PPHLN1: variants seen among roughly 807,000 people sequenced by gnomAD.
PPHLN1 encodes periphilin-1.
In PPHLN1, 29 loss-of-function variants were observed where a neutral mutation model predicts 51.3. The observed-to-expected ratio is 0.57, with a 90% confidence interval of 0.42 to 0.77. The LOEUF (loss-of-function observed/expected upper bound fraction) is 0.77. PPHLN1 is among the 30% of genes least tolerant of loss of function. The probability of loss-of-function intolerance (pLI) is 0.00; values close to 1 mark genes in which losing one functional copy is unlikely to be tolerated. For synonymous variants in PPHLN1, 147 were observed against 147.8 expected (o/e 0.99, Z 0.04); for missense variants, 436 against 438.4 (o/e 0.99, Z 0.05).
intron 4 of PPHLN1, among the ~76,000 whole-genome samples, chr12:42,369,493 A>G (rs182493167): frequency 4.7e-4 from 72 of 152,326 alleles, no homozygotes; most frequent in Non-Finnish European, 4.4e-5. Flanking sequence ...ATACCAGGGT[A>G]TAGGGTAAAT....
chr12:42,359,509 A>G (rs1419126749), intron 4 of PPHLN1: 4 of 152,222 alleles, frequency 2.6e-5, no homozygotes, highest in East Asian at 1.9e-4. Context: ...GTTATCTTCA[A>G]TAATGTCTCA....
At chr12:42,369,934 T>G (rs1345061499) in intron 4 of PPHLN1, among the ~76,000 whole-genome samples, 1 of 152,228 alleles carries the variant, frequency 6.6e-6, no homozygotes, top group Non-Finnish European at 1.5e-5. Context: ...CTATCCAATC[T>G]GCCTCTGTAT....
chr12:42,380,576 A>G (rs777593680), intron 5 of PPHLN1, among the ~76,000 whole-genome samples: 33 of 152,268 alleles, frequency 2.2e-4, no homozygotes, highest in Middle Eastern at 3.4e-3. Flanking sequence ...GCAGTTGGCT[A>G]TGAATAAAAT....
chr12:42,376,511 G>A (rs2076276615), intron 5 of PPHLN1, among the ~76,000 whole-genome samples: 1 of 152,186 alleles, frequency 6.6e-6, no homozygotes, highest in Non-Finnish European at 1.5e-5. Context: ...CACAGGCTGG[G>A]CACAGCAGCT....
chr12:42,376,912 G>A (rs1454613960), intron 5 of PPHLN1, among the ~76,000 whole-genome samples: 1 of 152,080 alleles, frequency 6.6e-6, no homozygotes, highest in East Asian at 1.9e-4. Flanking sequence ...ATGTTAACAA[G>A]TATACAAGTA....
intron 9 of PPHLN1, among the ~76,000 whole-genome samples, chr12:42,426,574 G>A (rs1182653158): frequency 6.6e-6 from 1 of 152,114 alleles, no homozygotes; most frequent in Non-Finnish European, 1.5e-5. Context: ...TAATACAAAG[G>A]TCTATATGAA....
intron 2 of PPHLN1, among the ~76,000 whole-genome samples, chr12:42,344,803 G>T (rs1201656251): frequency 1.3e-5 from 2 of 149,532 alleles, no homozygotes; most frequent in African/African-American, 4.9e-5. Context: ...CTGCCTCCCA[G>T]GCTCAAGCAG....
chr12:42,364,148 T>C (rs1409019601), intron 4 of PPHLN1, among the ~76,000 whole-genome samples: 2 of 152,166 alleles, frequency 1.3e-5, no homozygotes, highest in East Asian at 1.9e-4. Context: ...TGCTTGAACC[T>C]GGGAAGCGGA....
intron 7 of PPHLN1, among the ~76,000 whole-genome samples, chr12:42,391,906 A>G (rs2077750866): frequency 6.6e-6 from 1 of 152,098 alleles, no homozygotes; most frequent in African/African-American, 2.4e-5. Context: ...AAAAACATCA[A>G]ATGACCTTTT....
chr12:42,429,740 A>G (rs2081863411), intron 9 of PPHLN1, among the ~76,000 whole-genome samples: 1 of 152,224 alleles, frequency 6.6e-6, no homozygotes, highest in Non-Finnish European at 1.5e-5. Flanking sequence ...TTTATCTGTC[A>G]TTCACACTCA....
intron 4 of PPHLN1, among the ~76,000 whole-genome samples, chr12:42,372,462 G>A (rs2138712839): frequency 6.6e-6 from 1 of 152,252 alleles, no homozygotes; most frequent in South Asian, 2.1e-4. Context: ...TATCCTGTAA[G>A]CAAGTTACCA....
At chr12:42,361,197 G>A (rs61926572) in intron 4 of PPHLN1, 24,758 of 152,432 alleles carry the variant, frequency 0.16, 2,064 homozygotes, top group Admixed American at 0.2. Flanking sequence ...ATAAGAGCTT[G>A]CTCTCCACCA....
downstream of PPHLN1, chr12:42,444,158 G>T (rs2083163878): frequency 6.6e-6 from 1 of 152,038 alleles, no homozygotes; most frequent in Non-Finnish European, 1.5e-5. Context: ...AAGTACAGAT[G>T]TCCTCACCTT....
In PPHLN1 at chr12:42,417,943, G is replaced by GTT. The variant is rs371302578; in HGVS notation, c.909+18962_909+18963dup. 4.1e-3 allele frequency among the ~76,000 whole-genome samples: 360 copies of GTT among 88,378 alleles called. 10 individuals carry two copies. The highest frequency in any genetic ancestry group is 9.4e-3 in the Middle Eastern group (1 of 106). The allele number at this position is 88,378 out of a possible 152,430, so 58.0% of individuals were successfully genotyped here. Reference sequence around the variant, plus strand: ...TAGTTTTTTTTTTTGTTTTTTTTTTGTTTTTTTTTTTTTTGAGACAGAGTC... The same window carrying GTT: ...TAGTTTTTTTTTTTGTTTTTTTTTTGTTTTTTTTTTTTTTTTGAGACAGAGTC... On this transcript the variant is annotated intron_variant, in intron 9 of 9. Transcript: ENST00000358314.
intron 9 of PPHLN1, among the ~76,000 whole-genome samples, chr12:42,412,025 T>C (rs1242114023): frequency 1.9e-4 from 29 of 150,404 alleles, no homozygotes; most frequent in Admixed American, 1.9e-3. Context: ...GCCAATATGG[T>C]GAAACCCCGT....
chr12:42,446,370 C>A, downstream of PPHLN1: 1 of 1,494,946 alleles, frequency 6.7e-7, no homozygotes, highest in Non-Finnish European at 8.9e-7. Flanking sequence ...CTAAATCTGC[C>A]TTTTTTCAGC....
intron 9 of PPHLN1, among the ~76,000 whole-genome samples, chr12:42,437,650 T>C (rs1274730609): frequency 1.3e-5 from 2 of 152,212 alleles, no homozygotes; most frequent in African/African-American, 4.8e-5. Context: ...GATACACTTG[T>C]TATGATTGAT....
intron 9 of PPHLN1, among the ~76,000 whole-genome samples, chr12:42,409,330 T>G (rs1592802908): frequency 1.3e-5 from 2 of 152,156 alleles, no homozygotes; most frequent in Non-Finnish European, 2.9e-5. Flanking sequence ...GTGCAGATAC[T>G]GGAGAACTGA....
Position 42,345,000 on chromosome 12 carries a change from C to T in PPHLN1, c.73-6885C>T, listed in dbSNP as rs906263079. Among the ~76,000 whole-genome samples, 11 of 152,178 alleles carry T rather than the reference C, an allele frequency of 7.2e-5. No homozygotes were observed. The South Asian group carries it at 1.0e-3, about 14-fold the overall frequency. ...TGTTGGGATTACAGGTGTGAGCTAC[C>T]GTGCCCAGCCAGTGTGAAAAATTTG... is the stretch of plus-strand genomic sequence containing the variant. On this transcript the variant is annotated intron_variant, in intron 2 of 9. Coordinates refer to ENST00000358314, the MANE Select transcript of PPHLN1 (RefSeq NM_201439.2).
Sources: gnomAD v4.1 joint callset for allele counts (sites outside exome capture counted in the v4.1 genomes callset) on GRCh38, gnomAD v4.1.1 for gene constraint, MANE v1.5 for transcripts, NCBI Gene and HGNC (gene_info 2026-07-23, HGNC 2026-07-21) for gene names.